TNFRSF1B: variants seen among roughly 807,000 people sequenced by gnomAD.
The protein encoded by TNFRSF1B is tumor necrosis factor receptor superfamily member 1B.
Under a neutral mutation model 44.6 loss-of-function variants are expected in TNFRSF1B, and 19 were observed. That is an observed-to-expected ratio of 0.43 (90% CI 0.30 to 0.62). TNFRSF1B has a LOEUF of 0.62. Among genes scored for constraint, TNFRSF1B ranks in the 20% least tolerant of loss-of-function variants. The probability of loss-of-function intolerance (pLI) is 0.16; values close to 1 mark genes in which losing one functional copy is unlikely to be tolerated. For synonymous variants in TNFRSF1B, 252 were observed against 261.1 expected, an observed-to-expected ratio of 0.97 and a Z score of 0.34; for missense variants, 541 against 619.9, an observed-to-expected ratio of 0.87 and a Z score of 1.35.
chr1:12,200,628 TTC>T, intron 8 of TNFRSF1B, among the ~76,000 whole-genome samples: 1 of 152,254 alleles, frequency 6.6e-6, no homozygotes, highest in African/African-American at 2.4e-5. Flanking sequence ...CCGCAAATTA[TTC>T]TTTTTTTTTG....
chr1:12,189,494 A>G (rs1312707550), intron 2 of TNFRSF1B, among the ~76,000 whole-genome samples: 1 of 152,178 alleles, frequency 6.6e-6, no homozygotes, highest in Non-Finnish European at 1.5e-5. Context: ...CAGATGGTAG[A>G]CCTGAGGCCC....
At chr1:12,190,497 CT>C (rs935120091) in intron 2 of TNFRSF1B, among the ~76,000 whole-genome samples, 10 of 142,496 alleles carry the variant, frequency 7.0e-5, no homozygotes, top group African/African-American at 2.0e-4. Flanking sequence ...ACTGAGTCAA[CT>C]TTTTTTTAAG....
At position 12,208,015 on chromosome 1, in the gene TNFRSF1B, T is replaced by C. The variant is rs1310146205; in HGVS notation, c.*995T>C. Reference sequence around the variant, plus strand: ...CCAGGCAGGCCACCATATTCAGTGCTGTGGCCTGGGCAAGATAACGCACTT... The same window carrying C: ...CCAGGCAGGCCACCATATTCAGTGCCGTGGCCTGGGCAAGATAACGCACTT... On this transcript the variant is annotated 3_prime_UTR_variant, in exon 10 of 10. Transcript: ENST00000376259. The C allele has an allele frequency of 6.6e-6, 1 of 152,174 alleles. No individual in the cohort carries two copies. Among genetic ancestry groups the C allele is most frequent in the Non-Finnish European group, 1.5e-5 (1 of 68,026 alleles). 9.4% of individuals were successfully genotyped at this position (152,174 alleles called of 1,614,324 possible). A position where few individuals can be genotyped will look rare whatever the true frequency, so the allele number is the denominator to read the frequency against.
chr1:12,183,541 T>A (rs1638858588), intron 1 of TNFRSF1B, among the ~76,000 whole-genome samples: 1 of 152,090 alleles, frequency 6.6e-6, no homozygotes, highest in Non-Finnish European at 1.5e-5. Flanking sequence ...ATCTACTTTC[T>A]ATTATCTCTA....
chr1:12,195,041 G>A (rs1344783682), intron 8 of TNFRSF1B, among the ~76,000 whole-genome samples: 1 of 152,222 alleles, frequency 6.6e-6, no homozygotes, highest in Non-Finnish European at 1.5e-5. Flanking sequence ...AGAGAGCAGT[G>A]GTTTTCAAAC....
chr1:12,173,988 G>A (rs937931569), intron 1 of TNFRSF1B, among the ~76,000 whole-genome samples: 5 of 152,116 alleles, frequency 3.3e-5, no homozygotes, highest in Non-Finnish European at 5.9e-5. Flanking sequence ...CCCCAAGCGT[G>A]AGCCCCAAGT....
intron 1 of TNFRSF1B, among the ~76,000 whole-genome samples, chr1:12,184,882 T>G (rs1418297771): frequency 6.6e-6 from 1 of 152,148 alleles, no homozygotes; most frequent in African/African-American, 2.4e-5. Context: ...ACGAGACCTG[T>G]GCTGGCCACT....
intron 1 of TNFRSF1B, among the ~76,000 whole-genome samples, chr1:12,176,633 C>T (rs1638662589): frequency 6.6e-6 from 1 of 152,234 alleles, no homozygotes; most frequent in African/African-American, 2.4e-5. Flanking sequence ...CCACCACACA[C>T]ACACTCCTAT....
intron 1 of TNFRSF1B, among the ~76,000 whole-genome samples, chr1:12,181,179 C>T (rs1236530317): frequency 6.6e-6 from 1 of 152,302 alleles, no homozygotes; most frequent in Non-Finnish European, 1.5e-5. Flanking sequence ...GAGGCCCCCT[C>T]CTTTGCAAGG....
At chr1:12,183,748 T>TCTAGCTAGCTAGCTAG (rs1174385673) in intron 1 of TNFRSF1B, among the ~76,000 whole-genome samples, 3 of 116,984 alleles carry the variant, frequency 2.6e-5, no homozygotes, top group African/African-American at 6.0e-5. Context: ...TATCTATCTA[T>TCTAGCTAGCTAGCTAG]CTAGCTAGCT....
At chr1:12,191,565 GCGGGACTGCGGAGAGT>G in intron 3 of TNFRSF1B, 193 bp from the exon 4 acceptor site, 19 of 640,278 alleles carry the variant, frequency 3.0e-5, no homozygotes, top group African/African-American at 2.0e-4. Flanking sequence ...GCGGAGAGTA[GCGGGACTGCGGAGAGT>G]AGCGGGACTG....
In TNFRSF1B at chr1:12,183,703, TCTATCTATTCTA is replaced by T. The variant is rs1242114774; in HGVS notation, c.79-5092_79-5081del. On this transcript the variant is annotated intron_variant, in intron 1 of 9. Transcript: ENST00000376259. ...ATCTATCTATCTATCTATCTATCTA[TCTATCTATTCTA>T]TCTACCTATCTATCTATCTATCTAT... 2.4e-3 allele frequency among the ~76,000 whole-genome samples: 283 copies of T among 117,084 alleles called. 2 individuals are homozygous for T. Among genetic ancestry groups the T allele is most frequent in the South Asian group, 5.3e-3 (18 of 3,414 alleles). 76.8% of individuals were successfully genotyped at this position (117,084 alleles called of 152,430 possible).
intron 1 of TNFRSF1B, among the ~76,000 whole-genome samples, chr1:12,170,088 C>A (rs1327100893): frequency 2.0e-5 from 3 of 152,172 alleles, no homozygotes; most frequent in African/African-American, 4.8e-5. Context: ...CCAGTGGGGA[C>A]CCTGTGTGTT....
At chr1:12,203,779 G>A (rs1441584480) in intron 9 of TNFRSF1B, among the ~76,000 whole-genome samples, 2 of 152,060 alleles carry the variant, frequency 1.3e-5, no homozygotes, top group African/African-American at 2.4e-5. Flanking sequence ...GTGCAGTGGC[G>A]CAGTCTTGGC....
intron 1 of TNFRSF1B, among the ~76,000 whole-genome samples, chr1:12,176,167 T>A (rs1267363736): frequency 6.6e-6 from 1 of 152,048 alleles, no homozygotes; most frequent in Non-Finnish European, 1.5e-5. Context: ...TGCCGTGAGC[T>A]GAGATCGCAC....
At chr1:12,174,148 T>TTCTC (rs1638585966) in intron 1 of TNFRSF1B, among the ~76,000 whole-genome samples, 26 of 81,938 alleles carry the variant, frequency 3.2e-4, no homozygotes, top group Admixed American at 6.3e-4. Flanking sequence ...TTCTTCTTCT[T>TTCTC]CTTCTTCTTC....
chr1:12,172,865 G>A lies in TNFRSF1B; in HGVS notation c.78+5696G>A, dbSNP rs1435457636. Among the ~76,000 whole-genome samples, 3 of 152,236 alleles carry A rather than the reference G, an allele frequency of 2.0e-5. No homozygotes were observed. The East Asian group carries it at 5.8e-4, about 29-fold the overall frequency. On this transcript the variant is annotated intron_variant, in intron 1 of 9. Transcript: ENST00000376259. ...ATGAGTGAAGGGTACATTTGGTGAA[G>A]CACAGAGAGAGTGCACAAGGCTTCA...
At chr1:12,179,337 G>A (rs561213397) in intron 1 of TNFRSF1B, among the ~76,000 whole-genome samples, 2 of 152,288 alleles carry the variant, frequency 1.3e-5, no homozygotes, top group Admixed American at 6.5e-5. Flanking sequence ...TTGCTGTGAC[G>A]ACCTGGCCTG....
At chr1:12,201,260 C>CAAAAAAAAA (rs1177930307) in intron 8 of TNFRSF1B, among the ~76,000 whole-genome samples, 1 of 55,802 alleles carries the variant, frequency 1.8e-5, no homozygotes. Flanking sequence ...GACCCTGTCT[C>CAAAAAAAAA]AAAAAAAAAA....
Sources: gnomAD v4.1 joint callset for allele counts (sites outside exome capture counted in the v4.1 genomes callset) on GRCh38, gnomAD v4.1.1 for gene constraint, MANE v1.5 for transcripts, NCBI Gene and HGNC (gene_info 2026-07-23, HGNC 2026-07-21) for gene names.